The following CNTN4 variants were observed in gnomAD, a reference collection of about 807,000 sequenced individuals.
The protein encoded by CNTN4 is contactin 4, also known as contactin-4.
In CNTN4, 77 loss-of-function variants were observed where a neutral mutation model predicts 122.5. The ratio of observed to expected loss-of-function variants is 0.63; its 90% CI spans 0.52 to 0.76. The LOEUF is 0.76. Among genes scored for constraint, CNTN4 ranks in the 30% least tolerant of loss-of-function variants. CNTN4 has a pLI of 0.00. For synonymous variants in CNTN4, 512 were observed against 447.0 expected (o/e 1.15, Z -1.83); for missense variants, 1,256 against 1,259.1 (o/e 1.00, Z 0.04).
At chr3:2,998,039 G>T (rs978113404) in intron 14 of CNTN4, among the ~76,000 whole-genome samples, 2 of 152,126 alleles carry the variant, frequency 1.3e-5, no homozygotes, top group African/African-American at 4.8e-5. Context: ...GATCCAAAGG[G>T]TCAAATCAGA....
intron 13 of CNTN4, among the ~76,000 whole-genome samples, chr3:2,971,040 G>C (rs1692863133): frequency 6.6e-6 from 1 of 152,142 alleles, no homozygotes; most frequent in African/African-American, 2.4e-5. Flanking sequence ...GCCCATCTCG[G>C]CCTCCCAAAG....
At chr3:2,991,625 C>T (rs1345408196) in intron 14 of CNTN4, among the ~76,000 whole-genome samples, 1 of 152,082 alleles carries the variant, frequency 6.6e-6, no homozygotes, top group Non-Finnish European at 1.5e-5. Context: ...GGGCCATCCA[C>T]AGTGCGAGGT....
At chr3:2,516,245 T>C (rs940667469) in intron 3 of CNTN4, among the ~76,000 whole-genome samples, 1 of 152,146 alleles carries the variant, frequency 6.6e-6, no homozygotes, top group African/African-American at 2.4e-5. Context: ...TGAGTAGATA[T>C]CCTGGCTTTT....
intron 6 of CNTN4, among the ~76,000 whole-genome samples, chr3:2,796,905 C>T (rs2092202341): frequency 6.6e-6 from 1 of 152,130 alleles, no homozygotes; most frequent in Admixed American, 6.5e-5. Flanking sequence ...GCTCAGTACC[C>T]CACCCCTACT....
intron 2 of CNTN4, among the ~76,000 whole-genome samples, chr3:2,226,133 C>T (rs949528370): frequency 6.6e-6 from 1 of 151,264 alleles, no homozygotes; most frequent in Admixed American, 6.6e-5. Context: ...CCACGTTTTG[C>T]TTTTTTTTTA....
intron 14 of CNTN4, among the ~76,000 whole-genome samples, chr3:2,990,087 G>A (rs1031992973): frequency 2.6e-5 from 4 of 152,238 alleles, no homozygotes; most frequent in South Asian, 2.1e-4. Flanking sequence ...TCATGGAGTC[G>A]CTTTGATAAC....
chr3:2,969,519 T>TATTATTATGATGATG (rs200353375), intron 13 of CNTN4, among the ~76,000 whole-genome samples: 5 of 151,358 alleles, frequency 3.3e-5, no homozygotes, highest in African/African-American at 1.2e-4. Flanking sequence ...AAATTGGGAT[T>TATTATTATGATGATG]ATTATTATTA....
intron 4 of CNTN4, among the ~76,000 whole-genome samples, chr3:2,623,124 T>C (rs907616960): frequency 4.6e-5 from 7 of 152,200 alleles, no homozygotes; most frequent in African/African-American, 1.7e-4. Flanking sequence ...TCCCTGCTCA[T>C]GGTAATATGA....
chr3:2,442,832 G>C (rs572821191), intron 3 of CNTN4, among the ~76,000 whole-genome samples: 1 of 152,250 alleles, frequency 6.6e-6, no homozygotes, highest in East Asian at 1.9e-4. Context: ...GTTAATGAGA[G>C]TGCATCTGTT....
intron 2 of CNTN4, among the ~76,000 whole-genome samples, chr3:2,177,936 C>T (rs1333606629): frequency 6.6e-6 from 1 of 151,960 alleles, no homozygotes; most frequent in Non-Finnish European, 1.5e-5. Flanking sequence ...CTTTCTCTAT[C>T]GTCTGGATTT....
chr3:2,343,214 A>T (rs1473749665), intron 3 of CNTN4, among the ~76,000 whole-genome samples: 1 of 152,202 alleles, frequency 6.6e-6, no homozygotes, highest in Admixed American at 6.5e-5. Flanking sequence ...CAACTGAATC[A>T]AAAGGAAAAC....
intron 3 of CNTN4, among the ~76,000 whole-genome samples, chr3:2,527,137 G>A (rs1018908245): frequency 6.6e-6 from 1 of 152,172 alleles, no homozygotes; most frequent in African/African-American, 2.4e-5. Context: ...CTTTTTCTGA[G>A]ACACTGTGTT....
chr3:2,385,035 C>T lies in CNTN4; in HGVS notation c.-89+45802C>T, dbSNP rs1292386541. ...GATCCTCCTTTTCTCTCTTGCTTCG[C>T]CTCTTACTCTTCCTTCCTAACTGGT... On this transcript the variant is annotated intron_variant, in intron 3 of 24. Coordinates refer to ENST00000418658, the MANE Select transcript of CNTN4 (RefSeq NM_175607.3). The surrounding 1 kb of genome is among the most constrained non-coding windows in gnomAD (Gnocchi z 4.0). Among the ~76,000 whole-genome samples, 5 of 152,034 alleles carry T rather than the reference C, an allele frequency of 3.3e-5. No homozygotes were observed. The highest frequency in any genetic ancestry group is 7.4e-5 in the Non-Finnish European group (5 of 67,994).
At chr3:2,217,131 A>G (rs2038876940) in intron 2 of CNTN4, among the ~76,000 whole-genome samples, 1 of 152,166 alleles carries the variant, frequency 6.6e-6, no homozygotes, top group African/African-American at 2.4e-5. Context: ...TCAGCCTCTG[A>G]AATTCAGTCT....
intron 2 of CNTN4, among the ~76,000 whole-genome samples, chr3:2,128,838 C>G (rs2034308026): frequency 6.6e-6 from 1 of 152,160 alleles, no homozygotes; most frequent in African/African-American, 2.4e-5. Flanking sequence ...AATGATTCAT[C>G]AATAAATGTG....
chr3:2,759,019 T>C (rs1246961769), intron 6 of CNTN4, among the ~76,000 whole-genome samples: 1 of 152,200 alleles, frequency 6.6e-6, no homozygotes, highest in Non-Finnish European at 1.5e-5. Context: ...TGATAACCAC[T>C]AATCTACTGT....
At chr3:2,211,977 T>C (rs1005620894) in intron 2 of CNTN4, among the ~76,000 whole-genome samples, 3 of 152,192 alleles carry the variant, frequency 2.0e-5, no homozygotes, top group African/African-American at 7.2e-5. Context: ...CCTTTCTCTT[T>C]CTTTTTTTCC....
intron 2 of CNTN4, among the ~76,000 whole-genome samples, chr3:2,256,118 G>A (rs191341641): frequency 1.3e-5 from 2 of 152,122 alleles, no homozygotes; most frequent in African/African-American, 4.8e-5. Context: ...TATCACCACT[G>A]ATCCCATAGA....
At chr3:2,359,282 C>T (rs545416307) in intron 3 of CNTN4, among the ~76,000 whole-genome samples, 2 of 151,810 alleles carry the variant, frequency 1.3e-5, no homozygotes, top group Non-Finnish European at 2.9e-5. Flanking sequence ...GAGAGAACCG[C>T]ATACAGCTAT....
Sources: gnomAD v4.1 joint callset for allele counts (sites outside exome capture counted in the v4.1 genomes callset) on GRCh38, gnomAD v4.1.1 for gene constraint, Gnocchi (gnomAD v3.1) non-coding constraint, MANE v1.5 for transcripts, NCBI Gene and HGNC (gene_info 2026-07-23, HGNC 2026-07-21) for gene names.